PPP2R2C: variants seen among roughly 807,000 people sequenced by gnomAD.
PPP2R2C encodes the protein protein phosphatase 2, regulatory subunit B, gamma.
A neutral mutation model predicts 45.3 loss-of-function variants in PPP2R2C; 10 were observed. The ratio of observed to expected loss-of-function variants is 0.22; its 90% CI spans 0.14 to 0.37. The LOEUF (loss-of-function observed/expected upper bound fraction) is 0.37. Among genes scored for constraint, PPP2R2C ranks in the 10% least tolerant of loss-of-function variants. PPP2R2C has a pLI of 1.00. For synonymous variants in PPP2R2C, 257 were observed against 245.4 expected (o/e 1.05, Z -0.44); for missense variants, 308 against 619.7 (o/e 0.50, Z 5.34).
In PPP2R2C at chr4:6,340,854, C is replaced by G. The variant is rs189570142; in HGVS notation, c.790+6992G>C. On this transcript the variant is annotated intron_variant, in intron 6 of 8. Transcript: ENST00000382599. ...TGAGGCCTCCTCCAGCCACACACCT[C>G]TCTGACCTCACCTCCTCTCTCCAGC... Among the ~76,000 whole-genome samples, 342 of 152,398 alleles carry G rather than the reference C, an allele frequency of 2.2e-3. 2 individuals carry two copies. The highest frequency in any genetic ancestry group is 7.3e-3 in the African/African-American group (305 of 41,592).
At chr4:6,553,579 C>T (rs1725257900) in intron 1 of PPP2R2C, among the ~76,000 whole-genome samples, 2 of 152,178 alleles carry the variant, frequency 1.3e-5, no homozygotes, top group Admixed American at 1.3e-4. Context: ...GAGATGAGGG[C>T]AGGGGAAAAA....
In PPP2R2C at chr4:6,455,430, C is replaced by T. The variant is rs180943339; in HGVS notation, c.70+16730G>A. Among the ~76,000 whole-genome samples the T allele has an allele frequency of 2.7e-3, 408 of 152,250 alleles. 4 individuals carry two copies. The highest frequency in any genetic ancestry group is 9.2e-3 in the African/African-American group (380 of 41,524). ...GTCCTCCACCTGCCACCATCTGCAC[C>T]CCCAGCCTTCTAGTCACACTCCTGT... On this transcript the variant is annotated intron_variant, in intron 1 of 8. Coordinates refer to ENST00000382599, the MANE Select transcript of PPP2R2C (RefSeq NM_020416.4).
chr4:6,546,785 C>A (rs1227548887), intron 1 of PPP2R2C, among the ~76,000 whole-genome samples: 2 of 152,214 alleles, frequency 1.3e-5, no homozygotes, highest in Non-Finnish European at 2.9e-5. Context: ...CCAAGAACAG[C>A]GACAGACTTA....
chr4:6,468,373 G>A (rs1391745352), intron 1 of PPP2R2C, among the ~76,000 whole-genome samples: 2 of 152,196 alleles, frequency 1.3e-5, no homozygotes, highest in Non-Finnish European at 2.9e-5. Context: ...ACAACTCTGT[G>A]GGAATAAACA....
intron 5 of PPP2R2C, among the ~76,000 whole-genome samples, chr4:6,361,459 C>T (rs1461708917): frequency 6.6e-6 from 1 of 152,226 alleles, no homozygotes; most frequent in Admixed American, 6.5e-5. Context: ...AAAACTCAGC[C>T]TTTCTGTGCT....
At chr4:6,529,714 G>A (rs369876985) in intron 2 of PPP2R2C, among the ~76,000 whole-genome samples, 34 of 152,204 alleles carry the variant, frequency 2.2e-4, no homozygotes, top group African/African-American at 7.5e-4. Flanking sequence ...CCACTAGACC[G>A]TGAGCCCTAG....
chr4:6,347,817 G>C, intron 6 of PPP2R2C, 29 bp downstream of exon 6: 14 of 1,058,326 alleles, frequency 1.3e-5, no homozygotes, highest in East Asian at 1.0e-4. Context: ...CCAATGCACA[G>C]CCCCCCACCC....
At chr4:6,458,892 A>G (rs967692208) in intron 1 of PPP2R2C, among the ~76,000 whole-genome samples, 82 of 152,290 alleles carry the variant, frequency 5.4e-4, no homozygotes, top group Admixed American at 2.6e-3. Context: ...GTTATAAGCA[A>G]CAGAGATTGA....
intron 1 of PPP2R2C, among the ~76,000 whole-genome samples, chr4:6,448,738 G>A (rs761240345): frequency 1.3e-5 from 2 of 152,124 alleles, no homozygotes; most frequent in South Asian, 2.1e-4. Context: ...ATCGTCACCC[G>A]CAAGCCCCTT....
At chr4:6,484,035 T>G (rs1002531518) in intron 2 of PPP2R2C, among the ~76,000 whole-genome samples, 1 of 151,980 alleles carries the variant, frequency 6.6e-6, no homozygotes, top group African/African-American at 2.4e-5. Context: ...TACAACAGAG[T>G]CCATATGGCC....
At chr4:6,353,941 C>A (rs1337955666) in intron 5 of PPP2R2C, among the ~76,000 whole-genome samples, 2 of 45,236 alleles carry the variant, frequency 4.4e-5, no homozygotes, top group African/African-American at 2.1e-4. Flanking sequence ...CAGCCCCCCA[C>A]ACCAACAGCC....
chr4:6,391,044 G>A (rs1243313779), intron 1 of PPP2R2C, among the ~76,000 whole-genome samples: 2 of 152,162 alleles, frequency 1.3e-5, no homozygotes, highest in Non-Finnish European at 2.9e-5. Flanking sequence ...TTGGTCACTT[G>A]GCTGGAGGAA....
intron 6 of PPP2R2C, among the ~76,000 whole-genome samples, chr4:6,346,437 C>G (rs558453823): frequency 6.6e-6 from 1 of 152,274 alleles, no homozygotes. Context: ...CCCTCCCTGA[C>G]CCCCTCTGTC....
intron 1 of PPP2R2C, among the ~76,000 whole-genome samples, chr4:6,419,027 T>A (rs937925656): frequency 3.3e-5 from 5 of 152,318 alleles, no homozygotes; most frequent in Admixed American, 1.3e-4. Context: ...CAGCTTCGCA[T>A]GCGGTGAGGG....
At chr4:6,520,174 G>A (rs1723968986) in intron 2 of PPP2R2C, among the ~76,000 whole-genome samples, 1 of 152,022 alleles carries the variant, frequency 6.6e-6, no homozygotes, top group Non-Finnish European at 1.5e-5. Context: ...GAGTTGAGAG[G>A]GGTCCTAAGA....
chr4:6,461,710 C>T (rs189370662), intron 1 of PPP2R2C, among the ~76,000 whole-genome samples: 2 of 152,330 alleles, frequency 1.3e-5, no homozygotes, highest in Admixed American at 1.3e-4. Context: ...TTCTTTGTAA[C>T]TGGTATTAAT....
At chr4:6,406,878 G>C (rs1333960229) in intron 1 of PPP2R2C, among the ~76,000 whole-genome samples, 1 of 152,204 alleles carries the variant, frequency 6.6e-6, no homozygotes, top group African/African-American at 2.4e-5. Flanking sequence ...ACATAATTAA[G>C]GATTCTGAGA....
chr4:6,494,146 G>A (rs956823724), intron 2 of PPP2R2C, among the ~76,000 whole-genome samples: 3 of 152,188 alleles, frequency 2.0e-5, no homozygotes, highest in African/African-American at 4.8e-5. Flanking sequence ...CTGCTGACAC[G>A]GCTGGGGCAG....
chr4:6,415,110 C>T (rs1718483485), intron 1 of PPP2R2C, among the ~76,000 whole-genome samples: 1 of 152,264 alleles, frequency 6.6e-6, no homozygotes, highest in Admixed American at 6.5e-5. Context: ...AGAGCCGCTG[C>T]CTCACAGTGC....
Sources: gnomAD v4.1 joint callset for allele counts (sites outside exome capture counted in the v4.1 genomes callset) on GRCh38, gnomAD v4.1.1 for gene constraint, MANE v1.5 for transcripts, NCBI Gene and HGNC (gene_info 2026-07-23, HGNC 2026-07-21) for gene names.